CCDC178: variants seen among roughly 807,000 people sequenced by gnomAD.
CCDC178 encodes the protein coiled-coil domain-containing protein 178.
In CCDC178, 126 loss-of-function variants were observed where a neutral mutation model predicts 117.4. The observed-to-expected ratio is 1.07, with a 90% CI of 0.93 to 1.24. The LOEUF (loss-of-function observed/expected upper bound fraction) is 1.24. CCDC178 is among the 50% of genes most tolerant of loss of function. The pLI is 0.00. For missense variants in CCDC178, 1,030 were observed against 986.9 expected, an observed-to-expected ratio of 1.04 and a Z score of -0.59; for synonymous variants, 283 against 313.4, an observed-to-expected ratio of 0.90 and a Z score of 1.02.
At chr18:33,271,147 C>A (rs1384021382) in intron 12 of CCDC178, among the ~76,000 whole-genome samples, 2 of 150,888 alleles carry the variant, frequency 1.3e-5, no homozygotes, top group Non-Finnish European at 3.0e-5. Context: ...TAAAGTGTTA[C>A]ACAAAAGAAG....
At chr18:33,133,487 T>C (rs1021292871) in intron 20 of CCDC178, among the ~76,000 whole-genome samples, 2 of 151,976 alleles carry the variant, frequency 1.3e-5, no homozygotes, top group African/African-American at 4.8e-5. Context: ...CCTGCTGTGA[T>C]ATATGCGTTA....
At chr18:33,148,587 G>A (rs1317087090) in intron 20 of CCDC178, among the ~76,000 whole-genome samples, 1 of 152,036 alleles carries the variant, frequency 6.6e-6, no homozygotes, top group Non-Finnish European at 1.5e-5. Flanking sequence ...GAATTCCTAT[G>A]AATTCTGCTG....
At chr18:33,241,747 T>C (rs1568081624) in intron 15 of CCDC178, among the ~76,000 whole-genome samples, 1 of 151,724 alleles carries the variant, frequency 6.6e-6, no homozygotes, top group Admixed American at 6.6e-5. Flanking sequence ...AAACATCCAA[T>C]GCTCATGGAT....
At chr18:33,023,216 A>G (rs1250655933) in intron 21 of CCDC178, among the ~76,000 whole-genome samples, 1 of 152,174 alleles carries the variant, frequency 6.6e-6, no homozygotes, top group Admixed American at 6.5e-5. Context: ...ACTCAACAAC[A>G]TCATCAATCA....
intron 21 of CCDC178, among the ~76,000 whole-genome samples, chr18:33,041,817 T>C (rs768839060): frequency 2.0e-5 from 3 of 151,714 alleles, no homozygotes; most frequent in Non-Finnish European, 4.4e-5. Flanking sequence ...AATATACTTG[T>C]AAATTATATA....
At position 33,091,125 on chromosome 18, in the gene CCDC178, T is replaced by C. The variant is rs1292982197; in HGVS notation, c.2388+1636A>G. Among the ~76,000 whole-genome samples, 5 of 152,234 alleles carry C rather than the reference T, an allele frequency of 3.3e-5. No individual in the cohort carries two copies. The East Asian group carries it at 9.7e-4, about 29-fold the overall frequency. ...GGAAATACAGTATAGTCAATGATTA[T>C]TTTCTGCTTCTCAATTATGAACAAC... On this transcript the variant is annotated intron_variant, in intron 21 of 22. Transcript: ENST00000383096.
intron 11 of CCDC178, among the ~76,000 whole-genome samples, chr18:33,317,829 T>TA (rs371697809): frequency 3.9e-4 from 59 of 151,454 alleles, no homozygotes; most frequent in East Asian, 3.3e-3. Flanking sequence ...CACCTGTGAT[T>TA]AAAAAAAAAG....
At chr18:33,161,400 A>G (rs1034556611) in intron 20 of CCDC178, among the ~76,000 whole-genome samples, 1 of 152,036 alleles carries the variant, frequency 6.6e-6, no homozygotes. Flanking sequence ...ATCAGGATTT[A>G]GTTCTACACA....
chr18:33,339,693 C>T (rs1456748433), intron 9 of CCDC178, among the ~76,000 whole-genome samples: 1 of 151,850 alleles, frequency 6.6e-6, no homozygotes, highest in Non-Finnish European at 1.5e-5. Flanking sequence ...CTTTCCCATG[C>T]TATTCTTGTG....
At chr18:33,053,828 T>C (rs1274300979) in intron 21 of CCDC178, among the ~76,000 whole-genome samples, 1 of 152,222 alleles carries the variant, frequency 6.6e-6, no homozygotes, top group African/African-American at 2.4e-5. Flanking sequence ...TGTATCTGGG[T>C]AACACTTTAT....
intron 21 of CCDC178, among the ~76,000 whole-genome samples, chr18:32,992,763 T>G (rs1424017889): frequency 6.6e-6 from 1 of 152,208 alleles, no homozygotes; most frequent in Non-Finnish European, 1.5e-5. Flanking sequence ...ATCAAAGTAT[T>G]GCATTTTACC....
chr18:33,329,233 T>C (rs1002195390), intron 10 of CCDC178, among the ~76,000 whole-genome samples: 2 of 152,166 alleles, frequency 1.3e-5, no homozygotes, highest in Non-Finnish European at 2.9e-5. Flanking sequence ...TGCCCTCTGA[T>C]AATAAAGAAA....
intron 10 of CCDC178, among the ~76,000 whole-genome samples, chr18:33,332,012 T>C (rs540417010): frequency 5.8e-4 from 88 of 152,316 alleles, no homozygotes; most frequent in Non-Finnish European, 1.2e-3. Context: ...GGTAAGTAAT[T>C]ACATTGTGAA....
intron 6 of CCDC178, among the ~76,000 whole-genome samples, chr18:33,367,968 T>C (rs2063237845): frequency 6.6e-6 from 1 of 152,006 alleles, no homozygotes; most frequent in East Asian, 1.9e-4. Context: ...TCTAGAAGTG[T>C]ACTTTTCTAT....
chr18:33,220,771 G>A (rs984574439), intron 18 of CCDC178, among the ~76,000 whole-genome samples: 1 of 152,038 alleles, frequency 6.6e-6, no homozygotes, highest in African/African-American at 2.4e-5. Context: ...GACTTCTACT[G>A]ATAACATTGG....
chr18:33,060,188 C>T (rs1463265405), intron 21 of CCDC178, among the ~76,000 whole-genome samples: 1 of 152,028 alleles, frequency 6.6e-6, no homozygotes, highest in Non-Finnish European at 1.5e-5. Flanking sequence ...TATTTATGAA[C>T]AAAAGCCATT....
chr18:33,357,888 A>G (rs1340860775), intron 6 of CCDC178, among the ~76,000 whole-genome samples: 2 of 151,898 alleles, frequency 1.3e-5, no homozygotes, highest in African/African-American at 4.8e-5. Flanking sequence ...ATACATATAT[A>G]GTCATGTGTC....
rs558409243 is a variant in CCDC178, at chr18:33,208,165, T to A, written c.2238+3731A>T. On this transcript the variant is annotated intron_variant, in intron 20 of 22. Transcript: ENST00000383096. The stretch of plus-strand genomic sequence containing the variant: ...AATTGATGCTCAATCCTATCAAAAG[T>A]ACTTTTAAAAGAAATATTAATTATG... Among the ~76,000 whole-genome samples, 4 of 152,194 alleles carry A rather than the reference T, an allele frequency of 2.6e-5. 1 individual carries two copies. The South Asian group carries it at 8.3e-4, about 31-fold the overall frequency.
intron 9 of CCDC178, among the ~76,000 whole-genome samples, chr18:33,336,845 T>TTCTTTTTGC (rs140226130): frequency 0.077 from 11,702 of 152,148 alleles, 510 homozygotes; most frequent in Non-Finnish European, 0.093. Context: ...TCCAGATTTG[T>TTCTTTTTGC]TCTTTTTGCT....
Sources: allele counts gnomAD v4.1 joint callset (sites outside exome capture counted in the v4.1 genomes callset), GRCh38; gene constraint gnomAD v4.1.1; transcripts MANE v1.5; gene names NCBI Gene and HGNC (gene_info 2026-07-23, HGNC 2026-07-21).